Variants in UGGT1 observed in about 807,000 individuals in gnomAD.
UGGT1 encodes UDP-glucose:glycoprotein glucosyltransferase 1.
UGGT1 carries 107 observed loss-of-function variants against 203.9 expected under a neutral mutation model. The observed-to-expected ratio is 0.52, with a 90% CI of 0.45 to 0.62. UGGT1 has a LOEUF of 0.62. Ranked by LOEUF, UGGT1 falls within the 20% of genes least tolerant of loss-of-function variation. UGGT1 has a pLI of 0.00. For missense variants in UGGT1, 1,673 were observed against 1,867.2 expected (o/e 0.90, Z 1.92); for synonymous variants, 628 against 653.5 (o/e 0.96, Z 0.59).
intron 4 of UGGT1, among the ~76,000 whole-genome samples, chr2:128,108,940 C>T (rs1468928031): frequency 2.6e-5 from 4 of 152,154 alleles, no homozygotes; most frequent in African/African-American, 9.6e-5. Context: ...GACACAGTCT[C>T]GCCCTGTCAC....
At position 128,123,198 on chromosome 2, in the gene UGGT1, A is replaced by G. The variant is rs1688461195; in HGVS notation, c.1086A>G (p.Lys362=). 7.4e-6 allele frequency: 12 copies of G among 1,613,476 alleles called. No homozygotes were observed. The highest frequency in any genetic ancestry group is 1.0e-5 in the Non-Finnish European group (12 of 1,179,726). Residue 362 remains lysine (K), a synonymous_variant, in exon 11 of 41, where the codon AAA becomes AAG. Transcript: ENST00000259253. ...NFPTKARAIT[K]TAVSSELRTE... is the part of the protein sequence containing the mutation. ...TTTATTTCCTTAGAGCAATAACAAAAACAGCTGTGAGCTCAGAACTTAGAA... is the reference window on the plus strand; with the variant it reads ...TTTATTTCCTTAGAGCAATAACAAAGACAGCTGTGAGCTCAGAACTTAGAA...
At chr2:128,182,003 A>C (rs1415563474) in intron 36 of UGGT1, 127 bp from the exon 37 acceptor site, 2 of 814,698 alleles carry the variant, frequency 2.5e-6, no homozygotes, top group East Asian at 5.1e-5. Flanking sequence ...ATCTGCCCCT[A>C]GTGCCTGTGC....
intron 2 of UGGT1, among the ~76,000 whole-genome samples, chr2:128,102,145 ATT>A (rs147199229): frequency 6.8e-6 from 1 of 146,618 alleles, no homozygotes. Flanking sequence ...TAAAATCATA[ATT>A]TTTTTTTTTT....
chr2:128,121,072 T>C, intron 9 of UGGT1, 127 bp from the exon 10 acceptor site: 1 of 853,918 alleles, frequency 1.2e-6, no homozygotes, highest in Non-Finnish European at 1.9e-6. Context: ...GGGCACTCTC[T>C]GGAATGGTTG....
chr2:128,091,506 C>T, intron 1 of UGGT1, 91 bp downstream of exon 1: 1 of 1,502,010 alleles, frequency 6.7e-7, no homozygotes, highest in Non-Finnish European at 8.9e-7. Flanking sequence ...TGAGCTTCCG[C>T]CTCTACCGTG....
At chr2:128,182,426 G>T in intron 37 of UGGT1, 136 bp downstream of exon 37, 1 of 1,167,096 alleles carries the variant, frequency 8.6e-7, no homozygotes, top group Non-Finnish European at 1.2e-6. Context: ...GTGGCTGGGT[G>T]CAGTGGCTCA....
chr2:128,156,511 T>TTACCCACAGA, intron 21 of UGGT1, 96 bp downstream of exon 21: 1 of 976,836 alleles, frequency 1.0e-6, no homozygotes, highest in Non-Finnish European at 1.6e-6. Context: ...AATTGTACTG[T>TTACCCACAGA]TTCCGGAATC....
At chr2:128,140,373 C>T (rs1368655950) in intron 16 of UGGT1, 1 of 152,916 alleles carries the variant, frequency 6.5e-6, no homozygotes, top group Non-Finnish European at 1.5e-5. Context: ...AGTAGGAGAA[C>T]TTGTCCCTGT....
rs139021288 is a variant in UGGT1 at position 128,095,476 on chromosome 2, C to T, written c.59-1953C>T. 3.9e-3 allele frequency among the ~76,000 whole-genome samples: 587 copies of T among 148,726 alleles called. 2 individuals carry two copies. Among genetic ancestry groups the T allele is most frequent in the African/African-American group, 0.014 (556 of 39,990 alleles). On this transcript the variant is annotated intron_variant, in intron 1 of 40. Transcript: ENST00000259253. ...TCTTCTTTCTTTCCTCTTCCTCCTC[C>T]TCCTCTTCCTCCTCCTCCTCCCCCA...
Position 128,127,301 on chromosome 2 carries a change from A to C in UGGT1, c.1135-60A>C, listed in dbSNP as rs552088883. On this transcript the variant is annotated intron_variant, in intron 11 of 40. Transcript: ENST00000259253. ...TGTACAGGTAGTGAAGCCCAGAAAC[A>C]ATAAAATTTTTTTTAAAACATTCTC... 2,443 of 1,241,022 alleles carry C rather than the reference A, an allele frequency of 2.0e-3. 9 individuals carry two copies. Among genetic ancestry groups the C allele is most frequent in the Non-Finnish European group, 2.2e-3 (1,871 of 863,934 alleles). The allele number at this position is 1,241,022 out of a possible 1,614,324, so 76.9% of individuals were successfully genotyped here.
chr2:128,091,329 C>A lies in UGGT1; in HGVS notation c.-29C>A, dbSNP rs1322929354. The A allele has an allele frequency of 5.8e-6, 9 of 1,546,068 alleles. No individual in the cohort carries two copies. The East Asian group carries it at 2.0e-4, about 34-fold the overall frequency. On this transcript the variant is annotated 5_prime_UTR_variant, in exon 1 of 41. Transcript: ENST00000259253. ...CGCCCTGCCCTGGCGTTGTCTCTGG[C>A]ACTGTGGCGGACTGACCACGGCCCG...
chr2:128,156,449 A>G (rs1346266504), intron 21 of UGGT1, 34 bp downstream of exon 21: 1 of 1,529,818 alleles, frequency 6.5e-7, no homozygotes, highest in African/African-American at 1.4e-5. Context: ...CTATTTCTTA[A>G]TTTTCTTCTT....
intron 37 of UGGT1, 152 bp from the exon 38 acceptor site, chr2:128,183,523 G>T: frequency 1.7e-6 from 1 of 582,902 alleles, no homozygotes; most frequent in Non-Finnish European, 3.1e-6. Flanking sequence ...GATCTTTAAA[G>T]TAGCACACTT....
At chr2:128,184,247 A>G (rs931661340) in intron 38 of UGGT1, among the ~76,000 whole-genome samples, 1 of 152,144 alleles carries the variant, frequency 6.6e-6, no homozygotes, top group Non-Finnish European at 1.5e-5. Context: ...GGCTAGCTAA[A>G]TTACTGTTTG....
chr2:128,188,885 T>C (rs1396422304), intron 40 of UGGT1, among the ~76,000 whole-genome samples: 2 of 152,234 alleles, frequency 1.3e-5, no homozygotes, highest in Non-Finnish European at 2.9e-5. Flanking sequence ...TACTATGATA[T>C]TAAATATCAC....
At chr2:128,150,668 C>CTTTTTTTTTTTTTTTTTTTTAAAAATTTT (rs1205834782) in intron 18 of UGGT1, among the ~76,000 whole-genome samples, 1 of 136,698 alleles carries the variant, frequency 7.3e-6, no homozygotes, top group Non-Finnish European at 1.5e-5. Flanking sequence ...TAATTAATAA[C>CTTTTTTTTTTTTTTTTTTTTAAAAATTTT]TTTTTTTTTT....
intron 11 of UGGT1, among the ~76,000 whole-genome samples, chr2:128,123,875 G>A (rs1416290575): frequency 1.3e-5 from 2 of 152,170 alleles, no homozygotes; most frequent in Non-Finnish European, 2.9e-5. Flanking sequence ...TTTTGGTACA[G>A]CTCATCATTC....
At chr2:128,121,332 A>G (rs1688370385) in intron 10 of UGGT1, 34 bp downstream of exon 10, 5 of 1,456,614 alleles carry the variant, frequency 3.4e-6, no homozygotes, top group Non-Finnish European at 4.7e-6. Context: ...CCTTAACATC[A>G]TACCCAGTCA....
At chr2:128,182,079 A>G (rs1558827845) in intron 36 of UGGT1, 51 bp from the exon 37 acceptor site, 4 of 1,588,506 alleles carry the variant, frequency 2.5e-6, no homozygotes, top group Admixed American at 1.7e-5. Flanking sequence ...AGGAAACCGC[A>G]TTAGAGCTGT....
Sources: gnomAD v4.1 joint callset for allele counts (sites outside exome capture counted in the v4.1 genomes callset) on GRCh38, gnomAD v4.1.1 for gene constraint, MANE v1.5 for transcripts, NCBI Gene and HGNC (gene_info 2026-07-23, HGNC 2026-07-21) for gene names.